The following CCT6B variants were observed in gnomAD, a reference collection of about 807,000 sequenced individuals.
The protein encoded by CCT6B is chaperonin containing TCP1 subunit 6B, also known as probable T-complex protein 1 subunit zeta-2.
A neutral mutation model predicts 61.5 loss-of-function variants in CCT6B; 49 were observed. The observed-to-expected ratio is 0.80, with a 90% CI of 0.63 to 1.01. The LOEUF is 1.01. CCT6B is among the 50% of genes least tolerant of loss of function. CCT6B has a pLI of 0.00. For missense variants in CCT6B, 666 were observed against 634.7 expected (o/e 1.05, Z -0.53); for synonymous variants, 228 against 214.5 (o/e 1.06, Z -0.55).
At chr17:34,948,579 TG>T (rs1280204368) in intron 5 of CCT6B, among the ~76,000 whole-genome samples, 1 of 152,022 alleles carries the variant, frequency 6.6e-6, no homozygotes, top group East Asian at 1.9e-4. Flanking sequence ...CTGAATGTTT[TG>T]GCACATGCCC....
At position 34,942,564 on chromosome 17, in the gene CCT6B, C is replaced by CT. The variant is rs751718288; in HGVS notation, c.804dup (p.Asp269ArgfsTer2). 3.1e-6 allele frequency: 5 copies of CT among 1,607,298 alleles called. No individual in the cohort carries two copies. In the South Asian group the frequency reaches 4.5e-5, roughly 14 times the overall value. On this transcript the variant is annotated frameshift_variant, in exon 7 of 14. Transcript: ENST00000314144. LOFTEE classifies it high-confidence loss of function. ...AGGTCTATTATTTTTTGTACTCTAT[C>CT]TTCAATAAATTTTCTTTCAGCTTTT...
intron 7 of CCT6B, among the ~76,000 whole-genome samples, chr17:34,941,715 C>T (rs958249760): frequency 3.9e-5 from 6 of 152,144 alleles, no homozygotes; most frequent in Admixed American, 2.0e-4. Flanking sequence ...GCAATTTAAA[C>T]AATTACACAA....
chr17:34,958,708 G>A lies in CCT6B; in HGVS notation c.202-14C>T. 1 of 1,583,964 alleles carries A rather than the reference G, an allele frequency of 6.3e-7. No homozygotes were observed. The highest frequency in any genetic ancestry group is 8.6e-7 in the Non-Finnish European group (1 of 1,165,838). On this transcript the variant is annotated splice_polypyrimidine_tract_variant and intron_variant, in intron 2 of 13. Transcript: ENST00000314144. ...ATGTTGAATTTGCTGGAAAAAGCAA[G>A]CAACAGATTTAAAAAGACAGGATGA...
intron 12 of CCT6B, among the ~76,000 whole-genome samples, chr17:34,930,045 G>C (rs1359280447): frequency 1.3e-5 from 2 of 152,100 alleles, no homozygotes; most frequent in Non-Finnish European, 2.9e-5. Flanking sequence ...AGAGTGGCCA[G>C]AGTGATTCTC....
chr17:34,946,291 A>G (rs1485101952), intron 5 of CCT6B, among the ~76,000 whole-genome samples: 1 of 152,224 alleles, frequency 6.6e-6, no homozygotes, highest in Non-Finnish European at 1.5e-5. Context: ...AATGAATGGC[A>G]CATATGAACA....
At chr17:34,954,989 A>G (rs1887762382) in intron 3 of CCT6B, among the ~76,000 whole-genome samples, 4 of 152,240 alleles carry the variant, frequency 2.6e-5, no homozygotes, top group Admixed American at 2.6e-4. Context: ...CAAAGTTAAC[A>G]TCACAATAAT....
At chr17:34,949,707 T>C (rs1323497722) in intron 5 of CCT6B, 3 of 152,176 alleles carry the variant, frequency 2.0e-5, no homozygotes, top group Middle Eastern at 3.4e-3. Flanking sequence ...TATGTAACAG[T>C]TTAAAAACTA....
chr17:34,939,452 T>C, intron 9 of CCT6B, 122 bp from the exon 10 acceptor site: 1 of 891,304 alleles, frequency 1.1e-6, no homozygotes, highest in Non-Finnish European at 1.7e-6. Flanking sequence ...GGGAGTTAAG[T>C]TATATCTGAA....
intron 8 of CCT6B, among the ~76,000 whole-genome samples, chr17:34,940,073 T>C (rs2090143612): frequency 1.3e-5 from 2 of 152,152 alleles, no homozygotes; most frequent in South Asian, 4.1e-4. Context: ...AACAATATAT[T>C]GTTATTAACT....
At chr17:34,956,376 C>T (rs537828982) in intron 3 of CCT6B, among the ~76,000 whole-genome samples, 2 of 152,326 alleles carry the variant, frequency 1.3e-5, no homozygotes, top group South Asian at 4.1e-4. Context: ...TTAGGCCAGG[C>T]CTTACTTCCT....
chr17:34,949,104 A>AAGAAAAGAAG lies in CCT6B; in HGVS notation c.614+2845_614+2846insCTTCTTTTCT, dbSNP rs1567670657. On this transcript the variant is annotated intron_variant, in intron 5 of 13. Coordinates refer to ENST00000314144, the MANE Select transcript of CCT6B (RefSeq NM_006584.4). Reference sequence around the variant, plus strand: ...GGGGAGGGGAGGGGAGGGAAAAGAAAAGAGAAAAGAAAAGAAAAGGAGAAA... The same window carrying AAGAAAAGAAG: ...GGGGAGGGGAGGGGAGGGAAAAGAAAAGAAAAGAAGAGAGAAAAGAAAAGAAAAGGAGAAA... 2.9e-5 allele frequency among the ~76,000 whole-genome samples: 2 copies of AAGAAAAGAAG among 69,982 alleles called. 1 individual carries two copies. Among genetic ancestry groups the AAGAAAAGAAG allele is most frequent in the African/African-American group, 1.0e-4 (2 of 19,902 alleles). The allele number at this position is 69,982 out of a possible 152,430, so 45.9% of individuals were successfully genotyped here.
intron 2 of CCT6B, 24 bp from the exon 3 acceptor site, chr17:34,958,718 T>TA (rs745476314): frequency 6.4e-7 from 1 of 1,566,458 alleles, no homozygotes. Context: ...GCAACAGATT[T>TA]AAAAAGACAG....
At chr17:34,940,277 T>C (rs984750339) in intron 8 of CCT6B, among the ~76,000 whole-genome samples, 3 of 152,226 alleles carry the variant, frequency 2.0e-5, no homozygotes, top group Non-Finnish European at 2.9e-5. Context: ...GATCATGCTG[T>C]ATTATGTTGT....
In CCT6B at chr17:34,932,439, A is replaced by C; in HGVS notation, c.1275T>G (p.Tyr425Ter). The change falls in exon 11 of 14, where the codon TAT becomes TAG. Residue 425 changes from tyrosine (Y) to a stop codon, truncating the protein, a stop_gained. Coordinates refer to ENST00000314144, the MANE Select transcript of CCT6B (RefSeq NM_006584.4). LOFTEE classifies it high-confidence loss of function. ...GAGCTCTTCCTTTTATACTGTTCTT[A>C]TATGTAACAAGAGCTTCAGCCATTG... ...EVAMAEALVTYKNSIKGRARL... is the reference protein window; with the variant it reads ...EVAMAEALVT 1 of 1,612,608 alleles carries C rather than the reference A, an allele frequency of 6.2e-7. No homozygotes were observed. The highest frequency in any genetic ancestry group is 8.5e-7 in the Non-Finnish European group (1 of 1,179,358).
In CCT6B at chr17:34,950,656, C is replaced by T. The variant is rs140735215; in HGVS notation, c.614+1294G>A. Reference sequence around the variant, plus strand: ...AGAAAATTGCATGAGTGGGGCCGGGCGTGGTGGCTCACGCCTTTAATCCCA... The same window carrying T: ...AGAAAATTGCATGAGTGGGGCCGGGTGTGGTGGCTCACGCCTTTAATCCCA... On this transcript the variant is annotated intron_variant, in intron 5 of 13. Coordinates refer to ENST00000314144, the MANE Select transcript of CCT6B (RefSeq NM_006584.4). Among the ~76,000 whole-genome samples, 665 of 152,256 alleles carry T rather than the reference C, an allele frequency of 4.4e-3. 8 individuals carry two copies. Among genetic ancestry groups the T allele is most frequent in the African/African-American group, 0.014 (573 of 41,548 alleles).
Position 34,939,507 on chromosome 17 carries a change from TG to T in CCT6B, c.1065+109del, listed in dbSNP as rs1396614662. The T allele has an allele frequency of 3.5e-6, 3 of 864,244 alleles. No homozygotes were observed. The Admixed American group carries it at 7.6e-5, about 22-fold the overall frequency. 53.5% of individuals were successfully genotyped at this position (864,244 alleles called of 1,614,324 possible). A position where few individuals can be genotyped will look rare whatever the true frequency, so the allele number is the denominator to read the frequency against. On this transcript the variant is annotated intron_variant, in intron 9 of 13. Transcript: ENST00000314144. The stretch of plus-strand genomic sequence containing the variant: ...TAAATAAACTGTAAAATCTGTTCTG[TG>T]AATTAGATCTCAAAACACAAAACAT...
chr17:34,953,970 G>T (rs1271739629), intron 4 of CCT6B, among the ~76,000 whole-genome samples: 2 of 151,906 alleles, frequency 1.3e-5, no homozygotes, highest in Non-Finnish European at 2.9e-5. Flanking sequence ...ATTAATAAAA[G>T]AAATAAACTA....
chr17:34,942,736 G>T, intron 6 of CCT6B, 60 bp downstream of exon 6: 1 of 1,492,514 alleles, frequency 6.7e-7, no homozygotes, highest in Non-Finnish European at 9.2e-7. Context: ...AGGAAAAAGA[G>T]ATTTTAAAAC....
rs561870864 is a variant in CCT6B at position 34,943,178 on chromosome 17, AC to A, written c.615-273del. The A allele has an allele frequency of 1.7e-4, 47 of 274,918 alleles. No homozygotes were observed. In the East Asian group the frequency reaches 3.2e-3, roughly 19 times the overall value. 17.0% of individuals were successfully genotyped at this position (274,918 alleles called of 1,614,324 possible). A position where few individuals can be genotyped will look rare whatever the true frequency, so the allele number is the denominator to read the frequency against. On this transcript the variant is annotated intron_variant, in intron 5 of 13. Coordinates refer to ENST00000314144, the MANE Select transcript of CCT6B (RefSeq NM_006584.4). ...ACTAAAGGAGTGCACCACCTCACCC[AC>A]CTCCTTGCATTGACTTTAAACCTAA...
Sources: allele counts gnomAD v4.1 joint callset (sites outside exome capture counted in the v4.1 genomes callset), GRCh38; gene constraint gnomAD v4.1.1; transcripts MANE v1.5; gene names NCBI Gene and HGNC (gene_info 2026-07-23, HGNC 2026-07-21).